The following HSD3B7 variants were observed in gnomAD, a reference collection of about 807,000 sequenced individuals.
The protein encoded by HSD3B7 is hydroxy-delta-5-steroid dehydrogenase, 3 beta- and steroid delta-isomerase 7.
Under a neutral mutation model 34.3 loss-of-function variants are expected in HSD3B7, and 35 were observed. The observed-to-expected ratio is 1.02, with a 90% CI of 0.78 to 1.35. The LOEUF (loss-of-function observed/expected upper bound fraction) is 1.35. Ranked by LOEUF, HSD3B7 falls within the 40% of genes most tolerant of loss-of-function variation. HSD3B7 has a pLI of 0.00. For missense variants in HSD3B7, 426 were observed against 504.7 expected (o/e 0.84, Z 1.49); for synonymous variants, 217 against 220.1 (o/e 0.99, Z 0.13).
chr16:30,986,602 CA>C lies in HSD3B7; in HGVS notation c.432-2del. ...CATTGAGTCTTCCTTCTCCTCCCAC[CA>C]GGGGCAACGAAGACACCCCATACGA... On this transcript the variant is annotated splice_acceptor_variant, in intron 4 of 6. Transcript: ENST00000297679. LOFTEE classifies it high-confidence loss of function. 1 of 1,614,048 alleles carries C rather than the reference CA, an allele frequency of 6.2e-7. No homozygotes were observed. The highest frequency in any genetic ancestry group is 8.5e-7 in the Non-Finnish European group (1 of 1,179,882).
rs377494419 is a variant in HSD3B7 at position 30,985,766 on chromosome 16, C to T, written c.108C>T (p.Leu36=). ...TGCTGCTGCAGCGGGAGCCCCGGCT[C>T]GGGGAGCTGCGGGTCTTTGACCAAC... The part of the protein sequence containing the change: ...VRMLLQREPR[L]GELRVFDQHL... Residue 36 remains leucine, a synonymous_variant, in exon 2 of 7, where the codon CTC becomes CTT. Coordinates refer to ENST00000297679, the MANE Select transcript of HSD3B7 (RefSeq NM_025193.4). 7.4e-5 allele frequency: 119 copies of T among 1,602,788 alleles called. No homozygotes were observed. Among genetic ancestry groups the T allele is most frequent in the Non-Finnish European group, 8.9e-5 (105 of 1,176,268 alleles).
At chr16:30,987,619 C>T (rs1013561580) in intron 6 of HSD3B7, 149 bp from the exon 7 acceptor site, 7 of 862,534 alleles carry the variant, frequency 8.1e-6, no homozygotes, top group East Asian at 2.5e-5. Flanking sequence ...ACTACCAGGG[C>T]GAGGGAGAAG....
Position 30,985,944 on chromosome 16 carries a change from T to A in HSD3B7, c.167-105T>A. On this transcript the variant is annotated intron_variant, in intron 2 of 6. Transcript: ENST00000297679. ...GCTGGTTTCTGTCCACATGGATGGG[T>A]CGAGTGAGTCACATTGGGAACGTGA... The A allele has an allele frequency of 1.9e-6, 3 of 1,575,610 alleles. No homozygotes were observed. The South Asian group carries it at 3.5e-5, about 18-fold the overall frequency.
chr16:30,987,161 A>G, intron 6 of HSD3B7, 159 bp downstream of exon 6: 1 of 706,540 alleles, frequency 1.4e-6, no homozygotes, highest in South Asian at 1.9e-5. Flanking sequence ...ATGTCTCCAC[A>G]GCCTGCAGAG....
At chr16:30,987,115 A>G (rs1390116464) in intron 6 of HSD3B7, 113 bp downstream of exon 6, 5 of 1,151,356 alleles carry the variant, frequency 4.3e-6, no homozygotes, top group Middle Eastern at 2.8e-4. Context: ...GGCTAGAAAA[A>G]TATGGTCTAT....
At position 30,985,258 on chromosome 16, in the gene HSD3B7, C is replaced by T. The variant is rs993327326; in HGVS notation, c.-46C>T. ...CAGCCCTGGACGAAAGAAGAGGGCC[C>T]CTCCAGGCCAGTCTGGGCACCCTGG... On this transcript the variant is annotated 5_prime_UTR_variant, in exon 1 of 7. Coordinates refer to ENST00000297679, the MANE Select transcript of HSD3B7 (RefSeq NM_025193.4). 3 of 1,133,498 alleles carry T rather than the reference C, an allele frequency of 2.6e-6. No homozygotes were observed. Among genetic ancestry groups the T allele is most frequent in the East Asian group, 7.0e-5 (1 of 14,252 alleles). The allele number at this position is 1,133,498 out of a possible 1,614,324, so 70.2% of individuals were successfully genotyped here. A position where few individuals can be genotyped will look rare whatever the true frequency, so the allele number is the denominator to read the frequency against.
rs753342719 is a variant in HSD3B7 at position 30,987,859 on chromosome 16, A to C, written c.786A>C (p.Gly262=). The change falls in exon 7 of 7, where the codon GGA becomes GGC. Residue 262 remains glycine (G), a synonymous_variant. Transcript: ENST00000297679. ...GCCAGGTATACTTCTGCTACGATGG[A>C]TCACCCTACAGGAGCTACGAGGATT... ...MGGQVYFCYD[G]SPYRSYEDFN... is the part of the protein sequence containing the mutation. 1.1e-5 allele frequency: 18 copies of C among 1,613,572 alleles called. No individual in the cohort carries two copies. In the East Asian group the frequency reaches 3.6e-4, roughly 32 times the overall value.
In HSD3B7 at chr16:30,988,299, C is replaced by A; in HGVS notation, c.*116C>A. The A allele has an allele frequency of 1.0e-6, 1 of 973,650 alleles. No individual in the cohort carries two copies. The highest frequency in any genetic ancestry group is 2.7e-5 in the Admixed American group (1 of 37,434). The allele number at this position is 973,650 out of a possible 1,614,324, so 60.3% of individuals were successfully genotyped here. On this transcript the variant is annotated 3_prime_UTR_variant, in exon 7 of 7. Coordinates refer to ENST00000297679, the MANE Select transcript of HSD3B7 (RefSeq NM_025193.4). ...CAGAGCAGGAGGCAGGGCTCTGGGG[C>A]CAGAATGGCTGTCCTTGTCGTAGAG...
In HSD3B7 at chr16:30,988,747, C is replaced by T. The variant is rs2056524104; in HGVS notation, c.*564C>T. On this transcript the variant is annotated 3_prime_UTR_variant, in exon 7 of 7. Transcript: ENST00000297679. ...TGGGGACAGAGTGTCCTTCCTCTGT[C>T]CTCTCATCCCAGTCCTGATGGCCGC... The T allele has an allele frequency of 6.5e-6, 1 of 154,326 alleles. No homozygotes were observed. The highest frequency in any genetic ancestry group is 1.4e-5 in the Non-Finnish European group (1 of 69,396). The allele number at this position is 154,326 out of a possible 1,614,324, so 9.6% of individuals were successfully genotyped here.
Position 30,985,420 on chromosome 16 carries a change from ATC to A in HSD3B7, c.-7+130_-7+131del, listed in dbSNP as rs528852211. On this transcript the variant is annotated intron_variant, in intron 1 of 6. Coordinates refer to ENST00000297679, the MANE Select transcript of HSD3B7 (RefSeq NM_025193.4). ...CTCCCCACCCTTTTACTGCCTTCAA[ATC>A]TCTCTCCCTAAACCCTGACCCCTTC... is the stretch of plus-strand genomic sequence containing the variant. 1.6e-4 allele frequency: 230 copies of A among 1,413,274 alleles called. No individual in the cohort carries two copies. In the African/African-American group the frequency reaches 2.5e-3, roughly 15 times the overall value. The allele number at this position is 1,413,274 out of a possible 1,614,324, so 87.5% of individuals were successfully genotyped here.
chr16:30,986,287 G>A, intron 3 of HSD3B7, 83 bp downstream of exon 3: 1 of 1,570,202 alleles, frequency 6.4e-7, no homozygotes, highest in Non-Finnish European at 8.7e-7. Context: ...TGACTCCCCT[G>A]GGACAAGTTG....
At position 30,985,895 on chromosome 16, in the gene HSD3B7, C is replaced by G. The variant is rs560888603; in HGVS notation, c.166+71C>G. The G allele has an allele frequency of 1.6e-5, 26 of 1,585,428 alleles. No individual in the cohort carries two copies. The African/African-American group carries it at 2.7e-4, about 16-fold the overall frequency. On this transcript the variant is annotated intron_variant, in intron 2 of 6. Coordinates refer to ENST00000297679, the MANE Select transcript of HSD3B7 (RefSeq NM_025193.4). ...CCAACCCTTCCCAAGCTGGGATCCC[C>G]ACCCCTGCAGTGGAACAGATGATGC... is the stretch of plus-strand genomic sequence containing the variant.
At chr16:30,985,427 T>C (rs925253578) in intron 1 of HSD3B7, 130 bp downstream of exon 1, 2 of 1,419,350 alleles carry the variant, frequency 1.4e-6, no homozygotes, top group Non-Finnish European at 1.8e-6. Context: ...CAAATCTCTC[T>C]CCCTAAACCC....
chr16:30,987,926 G>A lies in HSD3B7; in HGVS notation c.853G>A (p.Gly285Ser). The change falls in exon 7 of 7, where the codon GGC becomes AGC. Residue 285 changes from glycine to serine, a missense_variant. By Grantham distance (56) the Gly-to-Ser change is moderately conservative. Coordinates refer to ENST00000297679, the MANE Select transcript of HSD3B7 (RefSeq NM_025193.4). ...FLGPCGLRLV[G>S]ARPLLPYWLL... The stretch of plus-strand genomic sequence containing the variant: ...GGGCCCCTGCGGACTGCGGCTGGTG[G>A]GCGCCCGCCCATTGCTGCCCTACTG... The A allele has an allele frequency of 6.2e-7, 1 of 1,613,528 alleles. No homozygotes were observed. Among genetic ancestry groups the A allele is most frequent in the African/African-American group, 1.3e-5 (1 of 75,028 alleles).
chr16:30,986,475 C>T lies in HSD3B7; in HGVS notation c.375C>T (p.Val125=), dbSNP rs2056480310. 6.2e-7 allele frequency: 1 copy of T among 1,614,132 alleles called. No individual in the cohort carries two copies. The highest frequency in any genetic ancestry group is 1.3e-5 in the African/African-American group (1 of 75,048). Residue 125 remains valine, a synonymous_variant, in exon 4 of 7, where the codon GTC becomes GTT. Transcript: ENST00000297679. ...TGCAGACCGGAACACGGTTCCTGGT[C>T]TACACCAGCAGCATGGAAGTTGTGG... ...ACVQTGTRFL[V]YTSSMEVVGP... is the part of the protein sequence containing the mutation.
chr16:30,985,397 C>T, intron 1 of HSD3B7, 100 bp downstream of exon 1: 1 of 1,380,154 alleles, frequency 7.2e-7, no homozygotes, highest in Non-Finnish European at 9.4e-7. Context: ...CTCCTGGCCT[C>T]CCCACCCTTT....
rs1411366055 is a variant in HSD3B7, at chr16:30,988,586, C to T, written c.*403C>T. On this transcript the variant is annotated 3_prime_UTR_variant, in exon 7 of 7. Transcript: ENST00000297679. ...GCTCAAGTGATCTTCCCACGTGGGC[C>T]TCCCAAAACGCTGGAACTACAAGTG... 5.5e-6 allele frequency: 1 copy of T among 182,514 alleles called. No individual in the cohort carries two copies. Among genetic ancestry groups the T allele is most frequent in the East Asian group, 1.4e-4 (1 of 7,122 alleles). 11.3% of individuals were successfully genotyped at this position (182,514 alleles called of 1,614,324 possible). A position where few individuals can be genotyped will look rare whatever the true frequency, so the allele number is the denominator to read the frequency against.
chr16:30,986,830 T>C lies in HSD3B7; in HGVS notation c.532-10T>C, dbSNP rs1333961617. On this transcript the variant is annotated splice_polypyrimidine_tract_variant and intron_variant, in intron 5 of 6. Coordinates refer to ENST00000297679, the MANE Select transcript of HSD3B7 (RefSeq NM_025193.4). The stretch of plus-strand genomic sequence containing the variant: ...TCCCAGGTCTCAGCAGTACCTGCCT[T>C]TGCCACCAGGTCCGTGGGGGGCTGC... 6.2e-7 allele frequency: 1 copy of C among 1,613,972 alleles called. No homozygotes were observed. Among genetic ancestry groups the C allele is most frequent in the South Asian group, 1.1e-5 (1 of 91,090 alleles).
In HSD3B7 at chr16:30,986,478, C is replaced by T. The variant is rs2056480355; in HGVS notation, c.378C>T (p.Tyr126=). Residue 126 remains tyrosine (Y), a synonymous_variant, in exon 4 of 7, where the codon TAC becomes TAT. Transcript: ENST00000297679. ...CVQTGTRFLV[Y]TSSMEVVGPN... Reference sequence around the variant, plus strand: ...AGACCGGAACACGGTTCCTGGTCTACACCAGCAGCATGGAAGTTGTGGGGC... The same window carrying T: ...AGACCGGAACACGGTTCCTGGTCTATACCAGCAGCATGGAAGTTGTGGGGC... 1 of 1,614,168 alleles carries T rather than the reference C, an allele frequency of 6.2e-7. No individual in the cohort carries two copies. Among genetic ancestry groups the T allele is most frequent in the East Asian group, 2.2e-5 (1 of 44,890 alleles).
Sources: allele counts gnomAD v4.1 joint callset, GRCh38; gene constraint gnomAD v4.1.1; transcripts MANE v1.5; gene names NCBI Gene and HGNC (gene_info 2026-07-23, HGNC 2026-07-21).